MYH8: variants seen among roughly 807,000 people sequenced by gnomAD.
MYH8 encodes myosin-8.
MYH8 carries 168 observed loss-of-function variants against 233.2 expected under a neutral mutation model. That is an observed-to-expected ratio of 0.72 (90% CI 0.64 to 0.82). MYH8 has a LOEUF of 0.82. Ranked by LOEUF, MYH8 falls within the 40% of genes least tolerant of loss-of-function variation. MYH8 has a pLI of 0.00. For missense variants in MYH8, 1,995 were observed against 2,327.8 expected (o/e 0.86, Z 2.94); for synonymous variants, 785 against 850.6 (o/e 0.92, Z 1.34).
Position 10,396,423 on chromosome 17 carries a change from T to C in MYH8, c.4560A>G (p.Ala1520=), listed in dbSNP as rs2072078754. ...ATTCATGAATTTGCTTTCCTCCCTCTGCAATCTGCTCAGTGAGGTCAGAAA... is the reference window on the plus strand; with the variant it reads ...ATTCATGAATTTGCTTTCCTCCCTCCGCAATCTGCTCAGTGAGGTCAGAAA... ...QEISDLTEQI[A]EGGKQIHELE... The change falls in exon 33 of 40, where the codon GCA becomes GCG. Residue 1520 remains alanine, a synonymous_variant. Coordinates refer to ENST00000403437, the MANE Select transcript of MYH8 (RefSeq NM_002472.3). The surrounding 1 kb of genome is among the most constrained non-coding windows in gnomAD (Gnocchi z 4.2). The C allele has an allele frequency of 1.2e-6, 2 of 1,614,018 alleles. No homozygotes were observed. Among genetic ancestry groups the C allele is most frequent in the Admixed American group, 3.3e-5 (2 of 59,998 alleles).
At position 10,399,530 on chromosome 17, in the gene MYH8, A is replaced by T. The variant is rs1204083189; in HGVS notation, c.3862+13T>A. On this transcript the variant is annotated intron_variant, in intron 28 of 39. Transcript: ENST00000403437. ...TAGTCCATGGTGTTGGGACCCAGAG[A>T]AGATGTCTTTACCCGCTTCTGTCTG... is the stretch of plus-strand genomic sequence containing the variant. 2 of 1,612,792 alleles carry T rather than the reference A, an allele frequency of 1.2e-6. No homozygotes were observed. Among genetic ancestry groups the T allele is most frequent in the Non-Finnish European group, 1.7e-6 (2 of 1,179,950 alleles).
chr17:10,414,574 C>CCAAATGTAATGCTCCAA, intron 9 of MYH8, 90 bp from the exon 10 acceptor site: 3 of 882,000 alleles, frequency 3.4e-6, no homozygotes, highest in African/African-American at 1.7e-5. Flanking sequence ...AAATTTGGAG[C>CCAAATGTAATGCTCCAA]ATTACATTTG....
At position 10,404,301 on chromosome 17, in the gene MYH8, A is replaced by G. The variant is rs373839110; in HGVS notation, c.2688+29T>C. ...TGTGTTTCAAAAAAGCTTCAGTAAC[A>G]TGGTGCATTCAGAATATGGAGTACT... On this transcript the variant is annotated intron_variant, in intron 22 of 39. Transcript: ENST00000403437. 1.7e-5 allele frequency: 28 copies of G among 1,613,664 alleles called. No homozygotes were observed. In the African/African-American group the frequency reaches 2.4e-4, roughly 14 times the overall value.
chr17:10,416,851 A>G (rs2159083), intron 5 of MYH8, among the ~76,000 whole-genome samples: 63,369 of 151,980 alleles, frequency 0.42, 14,271 homozygotes, highest in East Asian at 0.86. Context: ...CCAGAATCTT[A>G]TAATTGTATT....
intron 5 of MYH8, 85 bp downstream of exon 5, chr17:10,418,557 CATA>C: frequency 6.2e-7 from 1 of 1,608,970 alleles, no homozygotes. Flanking sequence ...AATGTATTAT[CATA>C]ACATAAAGAG....
chr17:10,415,580 G>A lies in MYH8; in HGVS notation c.540C>T (p.Thr180=), dbSNP rs34613390. Residue 180 remains threonine (T), a splice_region_variant and synonymous_variant, in exon 7 of 40, where the codon ACC becomes ACT. Coordinates refer to ENST00000403437, the MANE Select transcript of MYH8 (RefSeq NM_002472.3). The surrounding 1 kb of genome is among the most constrained non-coding windows in gnomAD (Gnocchi z 4.1). The stretch of plus-strand genomic sequence containing the variant: ...CAGTCTTTCCGGCACCAGATTCTCC[G>A]CTGTCAAACAGAAATCAGAGAAGAG... ...TDRENQSILI[T]GESGAGKTVN... 1,226 of 1,614,076 alleles carry A rather than the reference G, an allele frequency of 7.6e-4. 5 individuals are homozygous for A. The African/African-American group carries it at 0.011, about 15-fold the overall frequency.
At position 10,420,021 on chromosome 17, in the gene MYH8, T is replaced by G. The variant is rs1297066267; in HGVS notation, c.207A>C (p.Gly69=). ...TTTTCTCCCTGTTTTCACTTACTGCTCCACCTTCAGTCTTTACGGTTACTT... is the reference window on the plus strand; with the variant it reads ...TTTTCTCCCTGTTTTCACTTACTGCGCCACCTTCAGTCTTTACGGTTACTT... ...GGKVTVKTEG[G]ATLTVREDQV... is the part of the protein sequence containing the mutation. The change falls in exon 3 of 40, where the codon GGA becomes GGC. Residue 69 remains glycine (G), a synonymous_variant. Coordinates refer to ENST00000403437, the MANE Select transcript of MYH8 (RefSeq NM_002472.3). 1.2e-6 allele frequency: 2 copies of G among 1,613,982 alleles called. No individual in the cohort carries two copies. The highest frequency in any genetic ancestry group is 8.5e-7 in the Non-Finnish European group (1 of 1,179,844).
chr17:10,390,539 T>G lies in MYH8; in HGVS notation c.5729A>C (p.Glu1910Ala), dbSNP rs374807428. The change falls in exon 40 of 40, where the codon GAG becomes GCG. Residue 1910 changes from glutamate (E) to alanine (A), a missense_variant. Coordinates refer to ENST00000403437, the MANE Select transcript of MYH8 (RefSeq NM_002472.3). ...RKLQHELEEA[E>A]ERADIAESQV... ...GGACTCAGCAATGTCAGCCCGTTCC[T>G]CGGCCTCCTCCAGCTCATGCTGGAG... 1.4e-5 allele frequency: 23 copies of G among 1,614,124 alleles called. No individual in the cohort carries two copies. Among genetic ancestry groups the G allele is most frequent in the Non-Finnish European group, 1.9e-5 (22 of 1,180,050 alleles).
At position 10,415,580 on chromosome 17, in the gene MYH8, G is replaced by T. The variant is rs34613390; in HGVS notation, c.540C>A (p.Thr180=). The change falls in exon 7 of 40, where the codon ACC becomes ACA. Residue 180 remains threonine (T), a splice_region_variant and synonymous_variant. Transcript: ENST00000403437. The surrounding 1 kb of genome is among the most constrained non-coding windows in gnomAD (Gnocchi z 4.1). ...TDRENQSILI[T]GESGAGKTVN... is the part of the protein sequence containing the mutation. ...CAGTCTTTCCGGCACCAGATTCTCC[G>T]CTGTCAAACAGAAATCAGAGAAGAG... 4 of 1,614,076 alleles carry T rather than the reference G, an allele frequency of 2.5e-6. No homozygotes were observed. Among genetic ancestry groups the T allele is most frequent in the East Asian group, 4.5e-5 (2 of 44,886 alleles).
intron 2 of MYH8, among the ~76,000 whole-genome samples, chr17:10,421,266 GCTAAAATA>G (rs2142194426): frequency 6.6e-6 from 1 of 152,262 alleles, no homozygotes; most frequent in South Asian, 2.1e-4. Context: ...ATCAAAGGTA[GCTAAAATA>G]TTTATATTTA....
intron 9 of MYH8, 137 bp from the exon 10 acceptor site, chr17:10,414,621 A>G: frequency 1.4e-6 from 1 of 692,776 alleles, no homozygotes; most frequent in South Asian, 1.6e-5. Context: ...CCAATTGCAG[A>G]TAGACAGTGA....
At position 10,395,567 on chromosome 17, in the gene MYH8, G is replaced by T. The variant is rs1241594639; in HGVS notation, c.4654-126C>A. 1.4e-5 allele frequency: 13 copies of T among 938,938 alleles called. No homozygotes were observed. In the African/African-American group the frequency reaches 2.0e-4, roughly 14 times the overall value. 58.2% of individuals were successfully genotyped at this position (938,938 alleles called of 1,614,324 possible). A position where few individuals can be genotyped will look rare whatever the true frequency, so the allele number is the denominator to read the frequency against. Reference sequence around the variant, plus strand: ...TTACAAAGTATAATACAGTAGTTCTGGGAATCTTCTAGGTAAATCATTATT... The same window carrying T: ...TTACAAAGTATAATACAGTAGTTCTTGGAATCTTCTAGGTAAATCATTATT... On this transcript the variant is annotated intron_variant, in intron 33 of 39. Transcript: ENST00000403437.
In MYH8 at chr17:10,419,109, GTGCAGTGGCGCGATCTCAGCTCACTGC is replaced by G; in HGVS notation, c.211-106_211-80del. On this transcript the variant is annotated intron_variant, in intron 3 of 39. Coordinates refer to ENST00000403437, the MANE Select transcript of MYH8 (RefSeq NM_002472.3). This position sits in a 1 kb window ranked among gnomAD's most constrained non-coding sequence, Gnocchi z 4.0. ...TTTTGCTTTTTTTGCCCAGGCTGGA[GTGCAGTGGCGCGATCTCAGCTCACTGC>G]AACCTCCGCCCTCCTGCTTCAAGTG... 1 of 1,535,578 alleles carries G rather than the reference GTGCAGTGGCGCGATCTCAGCTCACTGC, an allele frequency of 6.5e-7. No homozygotes were observed. Among genetic ancestry groups the G allele is most frequent in the Non-Finnish European group, 9.0e-7 (1 of 1,116,424 alleles).
At position 10,406,295 on chromosome 17, in the gene MYH8, T is replaced by C. The variant is rs145901155; in HGVS notation, c.2274A>G (p.Gln758=). The C allele has an allele frequency of 5.7e-4, 918 of 1,614,084 alleles. 8 individuals carry two copies. In the East Asian group the frequency reaches 7.1e-3, roughly 12 times the overall value. ...ATACCTTGGTATGTCCAAATTTATA[T>C]TGAGTATGATCAATATCAATAGATG... ...LLASIDIDHT[Q]YKFGHTKVFF... The change falls in exon 20 of 40, where the codon CAA becomes CAG. Residue 758 remains glutamine (Q), a synonymous_variant. Coordinates refer to ENST00000403437, the MANE Select transcript of MYH8 (RefSeq NM_002472.3).
Position 10,395,345 on chromosome 17 carries a change from C to T in MYH8, c.4750G>A (p.Glu1584Lys). ...EVDRKIAEKDEEIDQLKRNHT... is the reference protein window; with the variant it reads ...EVDRKIAEKDKEIDQLKRNHT... ...TTTCTCTTCAGCTGGTCAATTTCCT[C>T]ATCCTTTTCTGCGATTTTTCTATCA... is the stretch of plus-strand genomic sequence containing the variant. Residue 1584 changes from glutamate to lysine, a missense_variant, in exon 34 of 40, where the codon GAG becomes AAG. Physicochemically the swap from Glu to Lys is moderately conservative, Grantham distance 56 (BLOSUM62 1). Transcript: ENST00000403437. The T allele has an allele frequency of 6.2e-7, 1 of 1,614,190 alleles. No homozygotes were observed. The highest frequency in any genetic ancestry group is 8.5e-7 in the Non-Finnish European group (1 of 1,180,018).
At position 10,401,627 on chromosome 17, in the gene MYH8, T is replaced by C. The variant is rs2072143982; in HGVS notation, c.2847A>G (p.Glu949=). ...LTAKKRKLED[E]CSELKKDIDD... is the part of the protein sequence containing the mutation. ...CAATGTCTTTCTTGAGTTCTGAACA[T>C]TCATCCTCCAGTTTTCTCTTCTTGG... Residue 949 remains glutamate (E), a synonymous_variant, in exon 23 of 40, where the codon GAA becomes GAG. Coordinates refer to ENST00000403437, the MANE Select transcript of MYH8 (RefSeq NM_002472.3). The C allele has an allele frequency of 3.1e-6, 5 of 1,614,168 alleles. No individual in the cohort carries two copies. In the East Asian group the frequency reaches 8.9e-5, roughly 29 times the overall value.
At position 10,420,217 on chromosome 17, in the gene MYH8, C is replaced by T. The variant is rs1555558639; in HGVS notation, c.11G>A (p.Ser4Asn). 6.2e-7 allele frequency: 1 copy of T among 1,613,196 alleles called. No homozygotes were observed. Among genetic ancestry groups the T allele is most frequent in the Non-Finnish European group, 8.5e-7 (1 of 1,180,044 alleles). ...AAAAACAGCCATCTCAGCGTCTGAG[C>T]TCGCACTCATGGCTGCGATTTATTT... MSA[S>N]SDAEMAVFGE... The change falls in exon 3 of 40, where the codon AGC becomes AAC. Residue 4 changes from serine (S) to asparagine (N), a missense_variant. By Grantham distance (46) the Ser-to-Asn change is conservative. Transcript: ENST00000403437.
Position 10,401,357 on chromosome 17 carries a change from G to T in MYH8, c.3026C>A (p.Thr1009Asn), listed in dbSNP as rs778795494. Residue 1009 changes from threonine to asparagine, a missense_variant, in exon 24 of 40, where the codon ACC becomes AAC. Physicochemically the swap from Thr to Asn is moderately conservative, Grantham distance 65. Transcript: ENST00000403437. ...KKALQETHQQ[T>N]LDDLQAEEDK... Reference sequence around the variant, plus strand: ...CTCCTCTGCCTGCAGGTCATCCAGGGTCTGCTGGTGGGTCTCTTGGAGAGC... The same window carrying T: ...CTCCTCTGCCTGCAGGTCATCCAGGTTCTGCTGGTGGGTCTCTTGGAGAGC... The T allele has an allele frequency of 8.7e-6, 14 of 1,613,942 alleles. No homozygotes were observed. In the East Asian group the frequency reaches 2.5e-4, roughly 28 times the overall value.
In MYH8 at chr17:10,414,429, A is replaced by G. The variant is rs2072271562; in HGVS notation, c.861T>C (p.His287=). 1.2e-6 allele frequency: 2 copies of G among 1,613,630 alleles called. No homozygotes were observed. The highest frequency in any genetic ancestry group is 1.7e-5 in the Admixed American group (1 of 60,010). Reference sequence around the variant, plus strand: ...TATTGGAAGTGATCTGATAAAAAATATGGTAGCTTCTTTCCGCCTTTAGCT... The same window carrying G: ...TATTGGAAGTGATCTGATAAAAAATGTGGTAGCTTCTTTCCGCCTTTAGCT... The part of the protein sequence containing the change: ...TFQLKAERSY[H]IFYQITSNKK... Residue 287 remains histidine, a synonymous_variant, in exon 10 of 40, where the codon CAT becomes CAC. Coordinates refer to ENST00000403437, the MANE Select transcript of MYH8 (RefSeq NM_002472.3).
Sources: gnomAD v4.1 joint callset for allele counts (sites outside exome capture counted in the v4.1 genomes callset) on GRCh38, gnomAD v4.1.1 for gene constraint, Gnocchi (gnomAD v3.1) non-coding constraint, MANE v1.5 for transcripts, NCBI Gene and HGNC (gene_info 2026-07-23, HGNC 2026-07-21) for gene names.